The following TIPIN variants were observed in gnomAD, a reference collection of about 807,000 sequenced individuals.
TIPIN encodes TIMELESS interacting protein.
Under a neutral mutation model 35.6 loss-of-function variants are expected in TIPIN, and 29 were observed. The observed-to-expected ratio is 0.82, with a 90% CI of 0.61 to 1.11. The LOEUF (loss-of-function observed/expected upper bound fraction) is 1.11. Ranked by LOEUF, TIPIN falls within the 50% of genes most tolerant of loss-of-function variation. The probability of loss-of-function intolerance (pLI) is 0.00; values close to 1 mark genes in which losing one functional copy is unlikely to be tolerated. For missense variants in TIPIN, 296 were observed against 345.4 expected (o/e 0.86, Z 1.13); for synonymous variants, 102 against 121.5 (o/e 0.84, Z 1.06).
intron 1 of TIPIN, chr15:66,379,702 T>A: frequency 1.9e-6 from 3 of 1,610,680 alleles, no homozygotes; most frequent in Non-Finnish European, 2.5e-6. Flanking sequence ...CTACAAATAG[T>A]CCGAACGGTA....
chr15:66,336,879 C>T lies in TIPIN; in HGVS notation c.*79G>A. On this transcript the variant is annotated 3_prime_UTR_variant, in exon 8 of 8. Transcript: ENST00000261881. ...CAGTTTTACTATCTAAGGATTTTCA[C>T]TCCAAGAAGAAAAAATACATAGTAA... The T allele has an allele frequency of 1.6e-6, 2 of 1,258,598 alleles. No homozygotes were observed. The highest frequency in any genetic ancestry group is 1.1e-6 in the Non-Finnish European group (1 of 892,326). The allele number at this position is 1,258,598 out of a possible 1,614,324, so 78.0% of individuals were successfully genotyped here.
At chr15:66,352,013 G>C in intron 3 of TIPIN, 116 bp downstream of exon 3, 1 of 858,058 alleles carries the variant, frequency 1.2e-6, no homozygotes, top group Non-Finnish European at 1.7e-6. Flanking sequence ...CTAAAAAAAA[G>C]TTTTTAGAAA....
chr15:66,357,145 G>C (rs1388314802), upstream of TIPIN, among the ~76,000 whole-genome samples: 3 of 151,916 alleles, frequency 2.0e-5, no homozygotes, highest in Non-Finnish European at 4.4e-5. Flanking sequence ...GGCTGGTGTC[G>C]AACTCCTTAG....
upstream of TIPIN, among the ~76,000 whole-genome samples, chr15:66,358,433 CT>C (rs566498388): frequency 2.9e-3 from 420 of 145,214 alleles, 1 homozygote; most frequent in South Asian, 0.019. Flanking sequence ...TTCTCTCTGT[CT>C]TTTTTTTTTT....
chr15:66,382,886 TCAGCA>T, intron 1 of TIPIN: 1 of 909,452 alleles, frequency 1.1e-6, no homozygotes. Context: ...GTCTGTATGG[TCAGCA>T]CTTATGTTAG....
intron 1 of TIPIN, among the ~76,000 whole-genome samples, chr15:66,364,432 G>A (rs1389347011): frequency 6.6e-6 from 1 of 151,792 alleles, no homozygotes; most frequent in Non-Finnish European, 1.5e-5. Context: ...CCAGTGTTCT[G>A]GCATTACAGG....
intron 1 of TIPIN, chr15:66,371,214 A>AG (rs944392170): frequency 2.0e-6 from 2 of 984,868 alleles, no homozygotes; most frequent in Non-Finnish European, 2.4e-6. Flanking sequence ...CTCAAAAAAA[A>AG]AAAAAAAGTG....
chr15:66,361,579 A>AAC (rs398027709), upstream of TIPIN, among the ~76,000 whole-genome samples: 2 of 151,380 alleles, frequency 1.3e-5, no homozygotes, highest in Non-Finnish European at 2.9e-5. Flanking sequence ...AAAAAAAAAA[A>AAC]CAGCAAAAAG....
chr15:66,375,605 A>C (rs2093293832), intron 1 of TIPIN, among the ~76,000 whole-genome samples: 1 of 149,272 alleles, frequency 6.7e-6, no homozygotes. Context: ...TTGGGAGGCC[A>C]AGACTGGTGG....
chr15:66,359,821 C>T (rs965085401), upstream of TIPIN, among the ~76,000 whole-genome samples: 4 of 152,134 alleles, frequency 2.6e-5, no homozygotes, highest in African/African-American at 9.7e-5. Context: ...TTCCCCACGC[C>T]GCCCCCAGCC....
chr15:66,376,644 G>A (rs2093297986), intron 1 of TIPIN, among the ~76,000 whole-genome samples: 1 of 151,400 alleles, frequency 6.6e-6, no homozygotes, highest in Non-Finnish European at 1.5e-5. Flanking sequence ...TGGCCAGGCT[G>A]TCTTGAACTC....
intron 7 of TIPIN, among the ~76,000 whole-genome samples, chr15:66,339,158 G>GC (rs2093068050): frequency 1.2e-5 from 1 of 85,796 alleles, no homozygotes; most frequent in Non-Finnish European, 2.3e-5. Flanking sequence ...AAAAAAAAAA[G>GC]CAAAAAGAAA....
At chr15:66,342,510 C>G (rs1053394226) in intron 6 of TIPIN, among the ~76,000 whole-genome samples, 1 of 151,906 alleles carries the variant, frequency 6.6e-6, no homozygotes, top group Admixed American at 6.6e-5. Context: ...ATTACAGGCA[C>G]CCGCCACCAT....
At chr15:66,379,684 G>C in intron 1 of TIPIN, 2 of 1,611,164 alleles carry the variant, frequency 1.2e-6, no homozygotes, top group Non-Finnish European at 1.7e-6. Flanking sequence ...ATCATGTTCT[G>C]TACATGACTA....
At position 66,365,706 on chromosome 15, in the gene TIPIN, C is replaced by T. The variant is rs200475412; in HGVS notation, c.-8-12751G>A. ...GGATTACAGGTGCGTGGCACCATGC[C>T]CGGCTAATTTTTGTATTTTTAGTAA... On this transcript the variant is annotated intron_variant, in intron 1 of 7. Transcript: ENST00000562124. 7.2e-5 allele frequency among the ~76,000 whole-genome samples: 11 copies of T among 152,186 alleles called. No individual in the cohort carries two copies. In the East Asian group the frequency reaches 2.1e-3, roughly 29 times the overall value.
chr15:66,341,519 AGCAC>A (rs1173906882), intron 6 of TIPIN, among the ~76,000 whole-genome samples, 163 bp from the exon 7 acceptor site: 63 of 392 alleles, frequency 0.16, no homozygotes, highest in Admixed American at 0.44. Flanking sequence ...CTGTAATCCC[AGCAC>A]TTTGGGAGGC....
At chr15:66,351,413 G>A (rs1046552271) in intron 4 of TIPIN, 112 bp downstream of exon 4, 20 of 773,364 alleles carry the variant, frequency 2.6e-5, no homozygotes, top group African/African-American at 1.9e-4. Context: ...CAAGACATAC[G>A]ACGACTAAGG....
rs1423009019 is a variant in TIPIN, at chr15:66,349,064, A to G, written c.471T>C (p.Asn157=). 6.2e-7 allele frequency: 1 copy of G among 1,608,618 alleles called. No homozygotes were observed. ...TAGATAAACCTATATTCTTACCATTATTGCTAACAAAATCTTCATGTAAAA... is the reference window on the plus strand; with the variant it reads ...TAGATAAACCTATATTCTTACCATTGTTGCTAACAAAATCTTCATGTAAAA... ...LPILHEDFVS[N]NDEVAENNEH... The change falls in exon 6 of 8, where the codon AAT becomes AAC. Residue 157 remains asparagine (N), a synonymous_variant. Coordinates refer to ENST00000261881, the MANE Select transcript of TIPIN (RefSeq NM_017858.3).
intron 1 of TIPIN, among the ~76,000 whole-genome samples, chr15:66,366,242 T>C (rs1566982775): frequency 6.6e-6 from 1 of 150,566 alleles, no homozygotes; most frequent in Non-Finnish European, 1.5e-5. Flanking sequence ...GATCATGAAG[T>C]CAAGAGTTCG....
Sources: gnomAD v4.1 joint callset for allele counts (sites outside exome capture counted in the v4.1 genomes callset) on GRCh38, gnomAD v4.1.1 for gene constraint, MANE v1.5 for transcripts, NCBI Gene and HGNC (gene_info 2026-07-23, HGNC 2026-07-21) for gene names.